SPMIP6: variants seen among roughly 807,000 people sequenced by gnomAD.
SPMIP6 encodes the protein ciliated bronchial epithelial protein 1.
At chr9:34,395,358 C>G in the SPMIP6 span, among the ~76,000 whole-genome samples, 2 of 152,146 alleles carry the variant, frequency 1.3e-5, no homozygotes, top group African/African-American at 4.8e-5. Context: ...TTACTACATC[C>G]GAGAGATTTC....
chr9:34,382,186 T>C, the SPMIP6 span, among the ~76,000 whole-genome samples: 1 of 152,116 alleles, frequency 6.6e-6, no homozygotes, highest in Non-Finnish European at 1.5e-5. Context: ...GTCATGTCCC[T>C]ACAGAGCCCA....
chr9:34,379,826 T>C, the SPMIP6 span: 1 of 954,744 alleles, frequency 1.0e-6, no homozygotes, highest in Non-Finnish European at 1.6e-6. The surrounding 1 kb of genome is among the most constrained non-coding windows in gnomAD (Gnocchi z 4.2). Flanking sequence ...GCTTCAGGTG[T>C]CCGTCCCAAG....
chr9:34,388,283 G>C, the SPMIP6 span, among the ~76,000 whole-genome samples: 3 of 151,316 alleles, frequency 2.0e-5, no homozygotes, highest in African/African-American at 7.3e-5. Context: ...TGGGATTACA[G>C]GCGCCTGCCA....
At chr9:34,380,960 G>T in the SPMIP6 span, 4 of 1,605,896 alleles carry the variant, frequency 2.5e-6, no homozygotes, top group East Asian at 6.7e-5. Flanking sequence ...CGCCCCGCTG[G>T]CGTAGTAGTC....
chr9:34,390,779 C>T, the SPMIP6 span, among the ~76,000 whole-genome samples: 1 of 152,098 alleles, frequency 6.6e-6, no homozygotes, highest in African/African-American at 2.4e-5. Flanking sequence ...GCCACCACAC[C>T]TGGCTAATTT....
At chr9:34,384,799 G>T in the SPMIP6 span, among the ~76,000 whole-genome samples, 3 of 152,274 alleles carry the variant, frequency 2.0e-5, no homozygotes, top group Non-Finnish European at 4.4e-5. Flanking sequence ...TTCTCATAAG[G>T]TATAAGAAAG....
chr9:34,396,458 C>A, the SPMIP6 span, among the ~76,000 whole-genome samples: 2 of 152,182 alleles, frequency 1.3e-5, no homozygotes, highest in Non-Finnish European at 2.9e-5. Flanking sequence ...CCTGCAATTC[C>A]CTGACACTGT....
chr9:34,393,876 T>C, the SPMIP6 span, among the ~76,000 whole-genome samples: 17 of 152,364 alleles, frequency 1.1e-4, 2 homozygotes, highest in Admixed American at 9.1e-4. Context: ...TGCTGAATTT[T>C]TGGTTTAGCA....
At chr9:34,379,494 A>G in the SPMIP6 span, 5,392 of 756,774 alleles carry the variant, frequency 7.1e-3, 38 homozygotes, top group Non-Finnish European at 7.7e-3. This position sits in a 1 kb window ranked among gnomAD's most constrained non-coding sequence, Gnocchi z 4.2. Flanking sequence ...ACCACCTTTG[A>G]CTGCTCCATG....
the SPMIP6 span, chr9:34,380,702 G>C: frequency 2.6e-6 from 4 of 1,547,968 alleles, no homozygotes; most frequent in Non-Finnish European, 3.5e-6. Context: ...CTTCGTGCTG[G>C]TTCTCCCGCC....
At chr9:34,385,530 C>T in the SPMIP6 span, 57 of 902,034 alleles carry the variant, frequency 6.3e-5, no homozygotes, top group African/African-American at 7.4e-4. Flanking sequence ...AGCGAAACTC[C>T]GTCTCAAAAA....
chr9:34,390,779 CT>C, the SPMIP6 span, among the ~76,000 whole-genome samples: 17 of 152,098 alleles, frequency 1.1e-4, no homozygotes, highest in African/African-American at 4.1e-4. Context: ...GCCACCACAC[CT>C]GGCTAATTTT....
chr9:34,397,806 C>T, the SPMIP6 span: 1 of 636,858 alleles, frequency 1.6e-6, no homozygotes, highest in Non-Finnish European at 2.7e-6. Context: ...AGCCTTCCTG[C>T]TCCCACCCCA....
At chr9:34,380,092 C>T in the SPMIP6 span, among the ~76,000 whole-genome samples, 1 of 152,174 alleles carries the variant, frequency 6.6e-6, no homozygotes, top group African/African-American at 2.4e-5. Context: ...CAGACACTTT[C>T]CCACTCCCCT....
chr9:34,381,227 C>G, the SPMIP6 span: 1 of 1,565,312 alleles, frequency 6.4e-7, no homozygotes, highest in South Asian at 1.2e-5. The surrounding 1 kb of genome is among the most constrained non-coding windows in gnomAD (Gnocchi z 4.4). Flanking sequence ...GAGACAAAAG[C>G]CAGGACGGAT....
At chr9:34,379,266 C>G in the SPMIP6 span, 1 of 830,724 alleles carries the variant, frequency 1.2e-6, no homozygotes, top group South Asian at 1.4e-5. The surrounding 1 kb of genome is among the most constrained non-coding windows in gnomAD (Gnocchi z 4.2). Context: ...TAACCTTATC[C>G]CTACACTTTG....
chr9:34,387,347 C>T, the SPMIP6 span, among the ~76,000 whole-genome samples: 66 of 152,276 alleles, frequency 4.3e-4, 1 homozygote, highest in Middle Eastern at 0.034. Context: ...GTGCTCCAAC[C>T]ATCCTCAAAA....
the SPMIP6 span, chr9:34,379,783 C>A: frequency 6.9e-7 from 1 of 1,456,804 alleles, no homozygotes; most frequent in South Asian, 1.2e-5. This position sits in a 1 kb window ranked among gnomAD's most constrained non-coding sequence, Gnocchi z 4.2. Flanking sequence ...TTTTGACTCT[C>A]ATCCCCCGAT....
At chr9:34,384,293 A>C in the SPMIP6 span, among the ~76,000 whole-genome samples, 2 of 152,214 alleles carry the variant, frequency 1.3e-5, no homozygotes, top group African/African-American at 4.8e-5. Context: ...TGTTAAATCA[A>C]ATGGCCTTGG....
Sources: allele counts gnomAD v4.1 joint callset (sites outside exome capture counted in the v4.1 genomes callset), GRCh38; gene constraint gnomAD v4.1.1; non-coding constraint Gnocchi (gnomAD v3.1); transcripts MANE v1.5; gene names NCBI Gene and HGNC (gene_info 2026-07-23, HGNC 2026-07-21).